MCUB: variants seen among roughly 807,000 people sequenced by gnomAD.
MCUB encodes mitochondrial calcium uniporter dominant negative subunit beta, also known as calcium uniporter regulatory subunit MCUb, mitochondrial.
MCUB carries 46 observed loss-of-function variants against 41.4 expected under a neutral mutation model. The observed-to-expected ratio is 1.11, with a 90% confidence interval of 0.88 to 1.42. The LOEUF is 1.42. Among genes scored for constraint, MCUB ranks in the 40% most tolerant of loss-of-function variants. The pLI is 0.00. For missense variants in MCUB, 403 were observed against 404.9 expected (o/e 1.00, Z 0.04); for synonymous variants, 148 against 148.2 (o/e 1.00, Z 0.01).
At chr4:109,635,267 G>A (rs1728565530) in intron 1 of MCUB, among the ~76,000 whole-genome samples, 1 of 152,172 alleles carries the variant, frequency 6.6e-6, no homozygotes, top group South Asian at 2.1e-4. Context: ...AAACATACGT[G>A]TGCATGTGTC....
chr4:109,617,576 G>A (rs1262473681), intron 1 of MCUB, among the ~76,000 whole-genome samples: 1 of 152,044 alleles, frequency 6.6e-6, no homozygotes, highest in Non-Finnish European at 1.5e-5. Flanking sequence ...GTATAGTTTG[G>A]GGTCTAAAGT....
intron 1 of MCUB, among the ~76,000 whole-genome samples, chr4:109,586,553 A>G (rs1265887156): frequency 6.6e-6 from 1 of 152,098 alleles, no homozygotes; most frequent in Non-Finnish European, 1.5e-5. Flanking sequence ...TAGAATTTTC[A>G]GCTTTTCTGC....
At chr4:109,566,360 C>T (rs1726776879) in intron 1 of MCUB, among the ~76,000 whole-genome samples, 1 of 151,254 alleles carries the variant, frequency 6.6e-6, no homozygotes, top group African/African-American at 2.4e-5. Flanking sequence ...GTCCCAGCTA[C>T]TCGGGAGGCT....
chr4:109,585,684 A>C (rs372274907), intron 1 of MCUB, among the ~76,000 whole-genome samples: 1 of 152,008 alleles, frequency 6.6e-6, no homozygotes, highest in South Asian at 2.1e-4. Context: ...TGTGTAAAGG[A>C]TTTTATTTTT....
At chr4:109,672,853 C>T (rs1579094203) in intron 4 of MCUB, among the ~76,000 whole-genome samples, 2 of 152,226 alleles carry the variant, frequency 1.3e-5, no homozygotes, top group East Asian at 3.9e-4. Flanking sequence ...TTTGTAAGTA[C>T]TTTTACTTTT....
intron 2 of MCUB, among the ~76,000 whole-genome samples, 168 bp from the exon 3 acceptor site, chr4:109,660,027 A>C (rs1334247715): frequency 6.6e-6 from 1 of 152,216 alleles, no homozygotes; most frequent in Non-Finnish European, 1.5e-5. Context: ...AATGGTAGGG[A>C]ATATGTAAAC....
Position 109,687,689 on chromosome 4 carries a change from T to TTTG in MCUB, c.*100_*102dup. 1.3e-6 allele frequency: 1 copy of TTTG among 741,256 alleles called. No homozygotes were observed. The highest frequency in any genetic ancestry group is 2.3e-6 in the Non-Finnish European group (1 of 434,630). 45.9% of individuals were successfully genotyped at this position (741,256 alleles called of 1,614,324 possible). ...CATGGTTCATTTTGATTGTTTAATC[T>TTTG]TTGTTATTAAATTCTTGTAAAACAG... On this transcript the variant is annotated 3_prime_UTR_variant, in exon 8 of 8. Coordinates refer to ENST00000394650, the MANE Select transcript of MCUB (RefSeq NM_017918.5).
chr4:109,671,571 T>C (rs1729460485), intron 4 of MCUB, among the ~76,000 whole-genome samples: 1 of 152,168 alleles, frequency 6.6e-6, no homozygotes, highest in Non-Finnish European at 1.5e-5. Flanking sequence ...TAGCAATTCC[T>C]TTTGGTTCTT....
rs1181539051 is a variant in MCUB, at chr4:109,688,121, C to T, written c.*529C>T. 10 of 152,366 alleles carry T rather than the reference C, an allele frequency of 6.6e-5. No homozygotes were observed. Among genetic ancestry groups the T allele is most frequent in the Admixed American group, 6.5e-4 (10 of 15,296 alleles). The allele number at this position is 152,366 out of a possible 1,614,324, so 9.4% of individuals were successfully genotyped here. On this transcript the variant is annotated 3_prime_UTR_variant, in exon 8 of 8. Coordinates refer to ENST00000394650, the MANE Select transcript of MCUB (RefSeq NM_017918.5). The stretch of plus-strand genomic sequence containing the variant: ...CACCAACCATAAAGTATAGTTGGTA[C>T]TTTTTGAACTTCAACTGAAACAGTG...
chr4:109,618,586 T>C (rs1023914892), intron 1 of MCUB, among the ~76,000 whole-genome samples: 1 of 152,226 alleles, frequency 6.6e-6, no homozygotes, highest in Non-Finnish European at 1.5e-5. Context: ...CTTAAATTCA[T>C]ATGATATACT....
Position 109,560,285 on chromosome 4 carries a change from G to A in MCUB, c.-53G>A. The A allele has an allele frequency of 1.1e-6, 1 of 933,858 alleles. No individual in the cohort carries two copies. The highest frequency in any genetic ancestry group is 1.4e-6 in the Non-Finnish European group (1 of 714,336). 57.8% of individuals were successfully genotyped at this position (933,858 alleles called of 1,614,324 possible). ...CCAGGCGCTGACGAGGAGCCCGGCTGAGGGAGGATGCGCCGCTGACGCCTG... is the reference window on the plus strand; with the variant it reads ...CCAGGCGCTGACGAGGAGCCCGGCTAAGGGAGGATGCGCCGCTGACGCCTG... On this transcript the variant is annotated 5_prime_UTR_variant, in exon 1 of 8. Coordinates refer to ENST00000394650, the MANE Select transcript of MCUB (RefSeq NM_017918.5).
chr4:109,687,018 T>A (rs903771338), intron 7 of MCUB, among the ~76,000 whole-genome samples: 2 of 150,164 alleles, frequency 1.3e-5, no homozygotes, highest in Non-Finnish European at 3.0e-5. Flanking sequence ...ATAAACTGTA[T>A]TTTTTTTTAA....
chr4:109,656,916 A>G (rs1729116465), intron 1 of MCUB, among the ~76,000 whole-genome samples: 1 of 152,152 alleles, frequency 6.6e-6, no homozygotes, highest in Admixed American at 6.5e-5. Context: ...GTAGTGAGCT[A>G]CATTTTTAGA....
At chr4:109,561,531 G>A (rs965384813) in intron 1 of MCUB, among the ~76,000 whole-genome samples, 7 of 152,124 alleles carry the variant, frequency 4.6e-5, no homozygotes, top group African/African-American at 1.7e-4. Context: ...AAGAGAATGA[G>A]GAAGGCCATG....
intron 1 of MCUB, among the ~76,000 whole-genome samples, chr4:109,628,246 G>C (rs1728404136): frequency 6.6e-6 from 1 of 152,194 alleles, no homozygotes; most frequent in South Asian, 2.1e-4. Context: ...TTGTATTTAA[G>C]AATGTATGTA....
intron 1 of MCUB, among the ~76,000 whole-genome samples, chr4:109,624,425 C>T (rs187111552): frequency 6.6e-6 from 1 of 152,296 alleles, no homozygotes; most frequent in East Asian, 1.9e-4. Context: ...GGAAAGAAGT[C>T]ACACAGCAAT....
chr4:109,636,118 A>C (rs1728583995), intron 1 of MCUB, among the ~76,000 whole-genome samples: 1 of 152,146 alleles, frequency 6.6e-6, no homozygotes, highest in Non-Finnish European at 1.5e-5. Flanking sequence ...CCCAGCTTGG[A>C]GCTGGTATCT....
chr4:109,617,353 A>G (rs1372573646), intron 1 of MCUB, among the ~76,000 whole-genome samples: 1 of 152,202 alleles, frequency 6.6e-6, no homozygotes, highest in Non-Finnish European at 1.5e-5. Flanking sequence ...ACACGTTTTT[A>G]GCACCCATCA....
intron 1 of MCUB, among the ~76,000 whole-genome samples, chr4:109,623,343 A>G (rs1412261718): frequency 6.6e-6 from 1 of 152,208 alleles, no homozygotes; most frequent in Non-Finnish European, 1.5e-5. Flanking sequence ...TGATTACACT[A>G]AAAGAGTGAA....
Sources: allele counts gnomAD v4.1 joint callset (sites outside exome capture counted in the v4.1 genomes callset), GRCh38; gene constraint gnomAD v4.1.1; transcripts MANE v1.5; gene names NCBI Gene and HGNC (gene_info 2026-07-23, HGNC 2026-07-21).